Variants in MACROD2 observed in about 807,000 individuals in gnomAD.
The protein encoded by MACROD2 is ADP-ribose glycohydrolase MACROD2.
A neutral mutation model predicts 70.4 loss-of-function variants in MACROD2; 36 were observed. The observed-to-expected ratio is 0.51, with a 90% CI of 0.39 to 0.68. The LOEUF is 0.68. Ranked by LOEUF, MACROD2 falls within the 30% of genes least tolerant of loss-of-function variation. The probability of loss-of-function intolerance (pLI) is 0.00; values close to 1 mark genes in which losing one functional copy is unlikely to be tolerated. For synonymous variants in MACROD2, 172 were observed against 178.8 expected (o/e 0.96, Z 0.30); for missense variants, 496 against 538.4 (o/e 0.92, Z 0.78).
intron 3 of MACROD2, among the ~76,000 whole-genome samples, chr20:14,447,468 G>A (rs2122974801): frequency 6.6e-6 from 1 of 152,178 alleles, no homozygotes; most frequent in South Asian, 2.1e-4. Context: ...TTATCCCATG[G>A]CAAGGGAGGG....
intron 5 of MACROD2, among the ~76,000 whole-genome samples, chr20:15,047,879 A>G (rs1308767138): frequency 6.6e-6 from 1 of 152,186 alleles, no homozygotes; most frequent in African/African-American, 2.4e-5. Flanking sequence ...CACAGTGGCT[A>G]TTCTGTCAGC....
At position 14,047,264 on chromosome 20, in the gene MACROD2, G is replaced by T. The variant is rs372596867; in HGVS notation, c.164-38357G>T. 3.3e-5 allele frequency among the ~76,000 whole-genome samples: 5 copies of T among 152,184 alleles called. No individual in the cohort carries two copies. The East Asian group carries it at 9.7e-4, about 29-fold the overall frequency. On this transcript the variant is annotated intron_variant, in intron 2 of 17. Coordinates refer to ENST00000684519, the MANE Select transcript of MACROD2 (RefSeq NM_001351661.2). ...GTTCGAGACCAGTCTGACCAGCATG[G>T]TGAAACTCCGTCTCTACTAAAAAAA...
chr20:14,776,961 A>T (rs1344742517), intron 5 of MACROD2, among the ~76,000 whole-genome samples: 1 of 152,026 alleles, frequency 6.6e-6, no homozygotes, highest in Non-Finnish European at 1.5e-5. Context: ...TGGTTGTGAG[A>T]TTCATAGATT....
intron 4 of MACROD2, among the ~76,000 whole-genome samples, chr20:14,507,717 A>T (rs2084984706): frequency 6.6e-6 from 1 of 152,302 alleles, no homozygotes; most frequent in African/African-American, 2.4e-5. Flanking sequence ...CACAACAATG[A>T]ATCAATAGAT....
chr20:15,349,009 A>C (rs1568739477), intron 6 of MACROD2, among the ~76,000 whole-genome samples: 1 of 152,192 alleles, frequency 6.6e-6, no homozygotes, highest in Non-Finnish European at 1.5e-5. Context: ...CAGTTAACTG[A>C]CATGCTTTCA....
chr20:15,082,681 C>T (rs1017330753), intron 5 of MACROD2, among the ~76,000 whole-genome samples: 6 of 152,014 alleles, frequency 3.9e-5, no homozygotes, highest in African/African-American at 1.4e-4. Context: ...GTGATTCACC[C>T]TTTTGAAATT....
intron 8 of MACROD2, among the ~76,000 whole-genome samples, chr20:15,820,626 CT>C (rs2063929267): frequency 6.6e-6 from 1 of 152,144 alleles, no homozygotes; most frequent in Admixed American, 6.5e-5. Context: ...GGAATAAGCC[CT>C]TTAAAATAAA....
intron 4 of MACROD2, chr20:14,566,458 G>T (rs1364326930): frequency 6.6e-6 from 1 of 151,928 alleles, no homozygotes; most frequent in Non-Finnish European, 1.5e-5. Flanking sequence ...TAGGATTGCT[G>T]AGTCAAAAGT....
chr20:15,403,520 T>A (rs1012979542), intron 6 of MACROD2, among the ~76,000 whole-genome samples: 1 of 151,898 alleles, frequency 6.6e-6, no homozygotes, highest in South Asian at 2.1e-4. Flanking sequence ...CCACTTTTAC[T>A]TCTTTGTTAA....
At chr20:15,872,323 C>T (rs984600984) in intron 9 of MACROD2, among the ~76,000 whole-genome samples, 35 of 151,962 alleles carry the variant, frequency 2.3e-4, no homozygotes, top group African/African-American at 8.0e-4. Flanking sequence ...TTGCTATGTC[C>T]GAATAATGAT....
intron 5 of MACROD2, among the ~76,000 whole-genome samples, chr20:15,115,349 A>T (rs112338195): frequency 6.6e-6 from 1 of 151,452 alleles, no homozygotes; most frequent in Non-Finnish European, 1.5e-5. Flanking sequence ...CCTGCCTCAG[A>T]CTCCCAAGTA....
chr20:15,039,378 T>G (rs1045428723), intron 5 of MACROD2, among the ~76,000 whole-genome samples: 2 of 152,084 alleles, frequency 1.3e-5, no homozygotes, highest in African/African-American at 2.4e-5. Flanking sequence ...GAGAGTAACC[T>G]TTTCTAGGTT....
chr20:14,347,344 T>C (rs2083074312), intron 3 of MACROD2, among the ~76,000 whole-genome samples: 1 of 152,078 alleles, frequency 6.6e-6, no homozygotes, highest in Non-Finnish European at 1.5e-5. Context: ...TGGGGATGGA[T>C]AGAGGAATTT....
At chr20:15,387,362 C>T (rs1195125882) in intron 6 of MACROD2, among the ~76,000 whole-genome samples, 2 of 124,716 alleles carry the variant, frequency 1.6e-5, no homozygotes, top group Admixed American at 7.9e-5. Flanking sequence ...TTCTATTCCT[C>T]TCCCTTTCTT....
chr20:15,855,372 G>A (rs1601001582), intron 8 of MACROD2, among the ~76,000 whole-genome samples: 1 of 152,122 alleles, frequency 6.6e-6, no homozygotes. Context: ...TTTATGCCTC[G>A]ATGGGTGAGC....
intron 9 of MACROD2, among the ~76,000 whole-genome samples, chr20:15,866,606 A>G (rs1278927571): frequency 2.0e-5 from 3 of 152,150 alleles, no homozygotes; most frequent in Non-Finnish European, 4.4e-5. Flanking sequence ...CCAAGTGATA[A>G]TAGGTTCGTT....
At chr20:14,101,143 A>G (rs1367050332) in intron 3 of MACROD2, among the ~76,000 whole-genome samples, 1 of 151,742 alleles carries the variant, frequency 6.6e-6, no homozygotes, top group Non-Finnish European at 1.5e-5. Context: ...TTCTAGGCAT[A>G]TACATTTTTA....
At chr20:15,225,792 G>C (rs930481146) in intron 5 of MACROD2, among the ~76,000 whole-genome samples, 3 of 152,114 alleles carry the variant, frequency 2.0e-5, no homozygotes, top group Non-Finnish European at 4.4e-5. Context: ...ACATTTAGCT[G>C]TTTCCCATCT....
At chr20:15,371,367 A>G (rs367624777) in intron 6 of MACROD2, among the ~76,000 whole-genome samples, 2 of 152,140 alleles carry the variant, frequency 1.3e-5, no homozygotes, top group East Asian at 3.8e-4. Context: ...TTTACCCAGA[A>G]CAATTTACTC....
Sources: allele counts gnomAD v4.1 joint callset (sites outside exome capture counted in the v4.1 genomes callset), GRCh38; gene constraint gnomAD v4.1.1; transcripts MANE v1.5; gene names NCBI Gene and HGNC (gene_info 2026-07-23, HGNC 2026-07-21).